RIPOR2: variants seen among roughly 807,000 people sequenced by gnomAD.
RIPOR2 encodes RHO family interacting cell polarization regulator 2.
A neutral mutation model predicts 114.5 loss-of-function variants in RIPOR2; 39 were observed. That is an observed-to-expected ratio of 0.34 (90% CI 0.26 to 0.44). The LOEUF (loss-of-function observed/expected upper bound fraction) is 0.44. Ranked by LOEUF, RIPOR2 falls within the 20% of genes least tolerant of loss-of-function variation. The probability of loss-of-function intolerance (pLI) is 1.00; values close to 1 mark genes in which losing one functional copy is unlikely to be tolerated. For synonymous variants in RIPOR2, 445 were observed against 484.4 expected (o/e 0.92, Z 1.07); for missense variants, 1,007 against 1,255.1 (o/e 0.80, Z 2.99).
At chr6:24,847,039 C>T (rs1400012654) in intron 12 of RIPOR2, among the ~76,000 whole-genome samples, 1 of 152,178 alleles carries the variant, frequency 6.6e-6, no homozygotes, top group South Asian at 2.1e-4. Flanking sequence ...GCAACCTCTG[C>T]CTCCTGGGTT....
At chr6:24,990,131 T>C (rs1459044029) in intron 1 of RIPOR2, among the ~76,000 whole-genome samples, 1 of 152,226 alleles carries the variant, frequency 6.6e-6, no homozygotes, top group African/African-American at 2.4e-5. Context: ...AAATCCTCAC[T>C]TTCAGTTCCT....
chr6:25,041,826 A>G (rs1450149572), intron 1 of RIPOR2: 1 of 699,898 alleles, frequency 1.4e-6, no homozygotes, highest in Non-Finnish European at 2.6e-6. Flanking sequence ...GGCAGAGAGT[A>G]GGTAACACCA....
At chr6:24,899,090 T>C (rs925168560) in intron 1 of RIPOR2, among the ~76,000 whole-genome samples, 3 of 152,064 alleles carry the variant, frequency 2.0e-5, no homozygotes, top group African/African-American at 7.2e-5. Flanking sequence ...TGTCCATTCA[T>C]TGCCCCATAA....
intron 1 of RIPOR2, among the ~76,000 whole-genome samples, chr6:25,031,966 A>G (rs980366393): frequency 6.6e-6 from 1 of 151,388 alleles, no homozygotes; most frequent in Non-Finnish European, 1.5e-5. Flanking sequence ...TTCACCACCT[A>G]TGCCATTTAG....
chr6:25,032,410 T>C (rs1777033115), intron 1 of RIPOR2, among the ~76,000 whole-genome samples: 1 of 152,056 alleles, frequency 6.6e-6, no homozygotes. Flanking sequence ...AGCCACCTGC[T>C]CCCAAGCACA....
At chr6:24,916,757 T>C (rs779749094) in intron 1 of RIPOR2, among the ~76,000 whole-genome samples, 5 of 152,196 alleles carry the variant, frequency 3.3e-5, no homozygotes, top group African/African-American at 7.2e-5. Flanking sequence ...TCCTTGCCAT[T>C]GTCACACATA....
At chr6:24,944,175 A>C (rs1473982040) in intron 1 of RIPOR2, among the ~76,000 whole-genome samples, 1 of 152,190 alleles carries the variant, frequency 6.6e-6, no homozygotes, top group African/African-American at 2.4e-5. Flanking sequence ...ATACTTGAGA[A>C]GGCCCTAAGG....
At chr6:25,032,975 T>C (rs767367072) in intron 1 of RIPOR2, among the ~76,000 whole-genome samples, 4 of 152,142 alleles carry the variant, frequency 2.6e-5, no homozygotes, top group Non-Finnish European at 5.9e-5. Context: ...GAGGCCAAGA[T>C]GGGAAAATTG....
At chr6:24,941,122 C>T in intron 1 of RIPOR2, among the ~76,000 whole-genome samples, 1 of 152,242 alleles carries the variant, frequency 6.6e-6, no homozygotes, top group Middle Eastern at 3.4e-3. Flanking sequence ...GCTGCAGGAG[C>T]CACACTTAGA....
At chr6:25,023,798 G>A in intron 1 of RIPOR2, 2 of 776,090 alleles carry the variant, frequency 2.6e-6, no homozygotes, top group Admixed American at 3.4e-5. Context: ...CACCTTCACG[G>A]GGACCCCTTT....
rs141242488 is a variant in RIPOR2 at position 24,994,273 on chromosome 6, A to G, written c.76+47578T>C. On this transcript the variant is annotated intron_variant, in intron 1 of 13. Transcript: ENST00000510784. ...AAAGGGGATGTTAAGAAGAGAGAAG[A>G]CTAAGCTTCTATTTTGTAAATTAGT... 1.0e-3 allele frequency among the ~76,000 whole-genome samples: 156 copies of G among 152,290 alleles called. No homozygotes were observed. The Middle Eastern group carries it at 0.01, about 10-fold the overall frequency.
At chr6:24,937,118 G>T (rs1033041304), upstream of RIPOR2, among the ~76,000 whole-genome samples, 1 of 152,194 alleles carries the variant, frequency 6.6e-6, no homozygotes, top group African/African-American at 2.4e-5. Context: ...GGTTAACTGA[G>T]CAGCAACAGT....
At position 24,928,706 on chromosome 6, in the gene RIPOR2, C is replaced by T. The variant is rs373374599; in HGVS notation, c.61+7132G>A. The stretch of plus-strand genomic sequence containing the variant: ...GTAGCACCATAACCTCATCACTTTC[C>T]GGAAGGCAGCAACGTCTTTCTTCTC... On this transcript the variant is annotated intron_variant, in intron 1 of 21. Coordinates refer to ENST00000643898, the MANE Select transcript of RIPOR2 (RefSeq NM_001286445.3). Among the ~76,000 whole-genome samples the T allele has an allele frequency of 3.9e-5, 6 of 152,124 alleles. No homozygotes were observed. In the East Asian group the frequency reaches 5.8e-4, roughly 15 times the overall value.
rs1212701487 is a variant in RIPOR2, at chr6:25,037,535, G to C, written c.76+4316C>G. ...AGATAGGTCCTTCTCCCGAATGTCT[G>C]CTCAGTATCACACATGTGTGTCTTT... On this transcript the variant is annotated intron_variant, in intron 1 of 13. Transcript: ENST00000510784. The surrounding 1 kb of genome is among the most constrained non-coding windows in gnomAD (Gnocchi z 4.5). Among the ~76,000 whole-genome samples, 2 of 152,150 alleles carry C rather than the reference G, an allele frequency of 1.3e-5. No homozygotes were observed. The highest frequency in any genetic ancestry group is 2.9e-5 in the Non-Finnish European group (2 of 68,030).
chr6:24,828,036 GA>G (rs1760337135), intron 18 of RIPOR2, 100 bp downstream of exon 18: 1 of 1,107,950 alleles, frequency 9.0e-7, no homozygotes, highest in Non-Finnish European at 1.2e-6. Flanking sequence ...CTGTGGACTT[GA>G]AAAATAAAAG....
chr6:24,822,604 C>T (rs532072185), intron 19 of RIPOR2, among the ~76,000 whole-genome samples: 7 of 152,202 alleles, frequency 4.6e-5, no homozygotes, highest in South Asian at 2.1e-4. Context: ...CTGCAACCTT[C>T]GCCTCCTGAG....
At chr6:24,948,513 T>C (rs1772569928) in intron 1 of RIPOR2, among the ~76,000 whole-genome samples, 1 of 149,470 alleles carries the variant, frequency 6.7e-6, no homozygotes, top group Non-Finnish European at 1.5e-5. Context: ...TTAATCACTC[T>C]GCTATTTCTT....
At chr6:24,839,775 C>T in intron 13 of RIPOR2, 1 of 1,396,658 alleles carries the variant, frequency 7.2e-7, no homozygotes, top group Non-Finnish European at 9.2e-7. Context: ...ATGCTGAATA[C>T]TGACCAATCT....
intron 1 of RIPOR2, among the ~76,000 whole-genome samples, chr6:25,016,508 A>G: frequency 6.6e-6 from 1 of 152,242 alleles, no homozygotes; most frequent in Non-Finnish European, 1.5e-5. Flanking sequence ...ATTCCACAGC[A>G]TGACTTAATT....
Sources: gnomAD v4.1 joint callset for allele counts (sites outside exome capture counted in the v4.1 genomes callset) on GRCh38, gnomAD v4.1.1 for gene constraint, Gnocchi (gnomAD v3.1) non-coding constraint, MANE v1.5 for transcripts, NCBI Gene and HGNC (gene_info 2026-07-23, HGNC 2026-07-21) for gene names.